PLEKHG5: variants seen among roughly 807,000 people sequenced by gnomAD.
The protein encoded by PLEKHG5 is pleckstrin homology domain-containing family G member 5.
PLEKHG5 carries 52 observed loss-of-function variants against 103.8 expected under a neutral mutation model. The observed-to-expected ratio is 0.50, with a 90% CI of 0.40 to 0.63. The LOEUF (loss-of-function observed/expected upper bound fraction) is 0.63, where lower values mean the gene tolerates loss of function less well. PLEKHG5 is among the 30% of genes least tolerant of loss of function. The probability of loss-of-function intolerance (pLI) is 0.00; values close to 1 mark genes in which losing one functional copy is unlikely to be tolerated. For missense variants in PLEKHG5, 1,205 were observed against 1,347.6 expected (o/e 0.89, Z 1.66); for synonymous variants, 592 against 575.5 (o/e 1.03, Z -0.41).
intron 1 of PLEKHG5, among the ~76,000 whole-genome samples, chr1:6,514,346 T>G (rs997706107): frequency 6.6e-6 from 1 of 151,572 alleles, no homozygotes; most frequent in Non-Finnish European, 1.5e-5. Context: ...TCCCAGCTAC[T>G]CAGGAGGCTA....
chr1:6,476,323 T>C (rs1043297412), intron 2 of PLEKHG5, among the ~76,000 whole-genome samples: 1 of 152,206 alleles, frequency 6.6e-6, no homozygotes, highest in Admixed American at 6.5e-5. Flanking sequence ...CTTGAGTAGC[T>C]GGGATTGCAG....
chr1:6,475,591 G>T, intron 3 of PLEKHG5, 69 bp from the exon 4 acceptor site: 1 of 1,334,156 alleles, frequency 7.5e-7, no homozygotes, highest in Non-Finnish European at 1.1e-6. Context: ...CGGCGAGTGG[G>T]CCTGTGGCCT....
At chr1:6,500,631 G>A (rs1245121599), upstream of PLEKHG5, among the ~76,000 whole-genome samples, 2 of 79,580 alleles carry the variant, frequency 2.5e-5, no homozygotes, top group African/African-American at 1.1e-4. Flanking sequence ...TACCCCCTCC[G>A]CTAAGCAAAC....
Position 6,469,092 on chromosome 1 carries a change from G to A in PLEKHG5, c.2199C>T (p.Ser733=), listed in dbSNP as rs750799789. 3.7e-6 allele frequency: 6 copies of A among 1,612,956 alleles called. No homozygotes were observed. Among genetic ancestry groups the A allele is most frequent in the Non-Finnish European group, 5.1e-6 (6 of 1,179,972 alleles). The change falls in exon 19 of 21, where the codon AGC becomes AGT. Residue 733 remains serine, a synonymous_variant. Coordinates refer to ENST00000377728, the MANE Select transcript of PLEKHG5 (RefSeq NM_020631.6). ...TGCTTTTCCGCATGATGGTAGGGGAGCTGGCAGCTGAAGTGCCACTGTCCT... is the reference window on the plus strand; with the variant it reads ...TGCTTTTCCGCATGATGGTAGGGGAACTGGCAGCTGAAGTGCCACTGTCCT... ...EGEDSGTSAA[S]SPTIMRKSSG...
intron 7 of PLEKHG5, 113 bp from the exon 8 acceptor site, chr1:6,473,567 T>G: frequency 2.5e-6 from 2 of 800,220 alleles, no homozygotes; most frequent in Middle Eastern, 3.8e-4. Context: ...GGTCTCTGCA[T>G]CTCTACCCTG....
chr1:6,504,802 C>T (rs548434889), intron 1 of PLEKHG5, among the ~76,000 whole-genome samples: 2 of 152,276 alleles, frequency 1.3e-5, no homozygotes, highest in South Asian at 4.1e-4. Context: ...ATTCCCTGAC[C>T]TCGTGATCCG....
chr1:6,504,384 C>T (rs375976131), intron 1 of PLEKHG5, among the ~76,000 whole-genome samples: 17 of 152,168 alleles, frequency 1.1e-4, no homozygotes, highest in East Asian at 1.9e-4. Flanking sequence ...CTGCCTTCTG[C>T]GCACGTCCCG....
intron 1 of PLEKHG5, among the ~76,000 whole-genome samples, chr1:6,479,757 GC>G (rs1252132766): frequency 2.0e-5 from 3 of 152,092 alleles, no homozygotes; most frequent in Non-Finnish European, 4.4e-5. Flanking sequence ...AATACTAGGT[GC>G]ATGCCACTAC....
At chr1:6,496,318 G>T (rs530617629), upstream of PLEKHG5, among the ~76,000 whole-genome samples, 7 of 152,246 alleles carry the variant, frequency 4.6e-5, no homozygotes, top group Non-Finnish European at 1.0e-4. Flanking sequence ...TGAGCTGGGG[G>T]CAGGCCCTCT....
At chr1:6,519,373 T>C in intron 1 of PLEKHG5, 2 of 1,234,168 alleles carry the variant, frequency 1.6e-6, no homozygotes, top group East Asian at 4.6e-5. Context: ...CTCCAAGACC[T>C]GCAAAGCCCC....
Position 6,467,200 on chromosome 1 carries a change from G to T in PLEKHG5, c.*363C>A, listed in dbSNP as rs186882493. 1.3e-5 allele frequency: 6 copies of T among 475,338 alleles called. No individual in the cohort carries two copies. In the East Asian group the frequency reaches 2.4e-4, roughly 19 times the overall value. The allele number at this position is 475,338 out of a possible 1,614,324, so 29.4% of individuals were successfully genotyped here. On this transcript the variant is annotated 3_prime_UTR_variant, in exon 21 of 21. Transcript: ENST00000377728. ...TTCACAGAACCCAGCCCAAGCCAGG[G>T]GTGGCCTGTGGGACTGGGAAGGTGG...
upstream of PLEKHG5, among the ~76,000 whole-genome samples, chr1:6,498,637 G>T (rs887529128): frequency 6.6e-6 from 1 of 152,146 alleles, no homozygotes; most frequent in Admixed American, 6.5e-5. Flanking sequence ...TGGGGAGGGG[G>T]CTCTCGAGGA....
At chr1:6,499,925 G>A (rs962035246), upstream of PLEKHG5, among the ~76,000 whole-genome samples, 4 of 152,050 alleles carry the variant, frequency 2.6e-5, no homozygotes, top group Non-Finnish European at 5.9e-5. Flanking sequence ...TCAGCCTACC[G>A]AGTAGCTGGG....
Position 6,472,621 on chromosome 1 carries a change from T to C in PLEKHG5, c.986A>G (p.Lys329Arg). 2 of 1,610,960 alleles carry C rather than the reference T, an allele frequency of 1.2e-6. No individual in the cohort carries two copies. Among genetic ancestry groups the C allele is most frequent in the Non-Finnish European group, 1.7e-6 (2 of 1,178,300 alleles). Residue 329 changes from lysine to arginine, a missense_variant and splice_region_variant, in exon 10 of 21, where the codon AAG becomes AGG. By Grantham distance (26) the Lys-to-Arg change is conservative (BLOSUM62 2). Transcript: ENST00000377728. ...SWRELIDGHE[K>R]LTRRQCHQQE... ...CTGGTGGCACTGCCGCCGGGTCAGC[T>C]TCTAGAGGGAGGGCAGGATGGGTCA...
chr1:6,467,790 G>A, intron 20 of PLEKHG5, 35 bp downstream of exon 20: 1 of 1,610,712 alleles, frequency 6.2e-7, no homozygotes, highest in Non-Finnish European at 8.5e-7. Flanking sequence ...CCAGTGCCCT[G>A]AGCCACCTGC....
Position 6,468,974 on chromosome 1 carries a change from C to A in PLEKHG5, c.2249+68G>T, listed in dbSNP as rs1238934948. 16 of 1,313,514 alleles carry A rather than the reference C, an allele frequency of 1.2e-5. No homozygotes were observed. In the Admixed American group the frequency reaches 2.5e-4, roughly 21 times the overall value. The allele number at this position is 1,313,514 out of a possible 1,614,324, so 81.4% of individuals were successfully genotyped here. A position where few individuals can be genotyped will look rare whatever the true frequency, so the allele number is the denominator to read the frequency against. On this transcript the variant is annotated intron_variant, in intron 19 of 20. Coordinates refer to ENST00000377728, the MANE Select transcript of PLEKHG5 (RefSeq NM_020631.6). ...TTGGGAGGAAGGGAGCGTGGCTGGGCCTTCAGGAGTCCTGGGCTAGAGTAC... is the reference window on the plus strand; with the variant it reads ...TTGGGAGGAAGGGAGCGTGGCTGGGACTTCAGGAGTCCTGGGCTAGAGTAC...
rs958484641 is a variant in PLEKHG5 at position 6,486,155 on chromosome 1, G to T, written c.-88+5482C>A. On this transcript the variant is annotated intron_variant, in intron 1 of 20. Transcript: ENST00000377728. The surrounding 1 kb of genome is among the most constrained non-coding windows in gnomAD (Gnocchi z 5.3). ...CTTCCTCCTGGAGACCCCCACCCCC[G>T]CCTCGGAGCCTCAGCCCAGGGGACC... 6.7e-6 allele frequency among the ~76,000 whole-genome samples: 1 copy of T among 149,272 alleles called. No individual in the cohort carries two copies. Among genetic ancestry groups the T allele is most frequent in the African/African-American group, 2.5e-5 (1 of 40,474 alleles).
At position 6,473,416 on chromosome 1, in the gene PLEKHG5, C is replaced by T; in HGVS notation, c.630G>A (p.Leu210=). 1 of 1,542,390 alleles carries T rather than the reference C, an allele frequency of 6.5e-7. No homozygotes were observed. Among genetic ancestry groups the T allele is most frequent in the Non-Finnish European group, 8.7e-7 (1 of 1,143,190 alleles). The change falls in exon 8 of 21, where the codon CTG becomes CTA. Residue 210 remains leucine, a synonymous_variant. Coordinates refer to ENST00000377728, the MANE Select transcript of PLEKHG5 (RefSeq NM_020631.6). Reference sequence around the variant, plus strand: ...CCTGCCCGGGGATGCTCGCCTCCCCCAGGAACTCCGACATGTTCTTGCGGC... The same window carrying T: ...CCTGCCCGGGGATGCTCGCCTCCCCTAGGAACTCCGACATGTTCTTGCGGC... The part of the protein sequence containing the change: ...GRRRKNMSEF[L]GEASIPGQEP...
intron 1 of PLEKHG5, among the ~76,000 whole-genome samples, chr1:6,511,532 C>T (rs1638470972): frequency 6.6e-6 from 1 of 152,234 alleles, no homozygotes; most frequent in Non-Finnish European, 1.5e-5. Context: ...TGCCGATGCC[C>T]ACCGCCCCCA....
Sources: allele counts gnomAD v4.1 joint callset (sites outside exome capture counted in the v4.1 genomes callset), GRCh38; gene constraint gnomAD v4.1.1; non-coding constraint Gnocchi (gnomAD v3.1); transcripts MANE v1.5; gene names NCBI Gene and HGNC (gene_info 2026-07-23, HGNC 2026-07-21).